Variants in NSMCE2 observed in about 807,000 individuals in gnomAD.
The protein encoded by NSMCE2 is NSE2 SUMO ligase component of SMC5/6 complex.
NSMCE2 carries 24 observed loss-of-function variants against 23.8 expected under a neutral mutation model. The observed-to-expected ratio is 1.01, with a 90% CI of 0.73 to 1.42. The LOEUF (loss-of-function observed/expected upper bound fraction) is 1.42, where lower values mean the gene tolerates loss of function less well. NSMCE2 is among the 40% of genes most tolerant of loss of function. NSMCE2 has a pLI of 0.00. For missense variants in NSMCE2, 284 were observed against 296.5 expected, an observed-to-expected ratio of 0.96 and a Z score of 0.31; for synonymous variants, 92 against 94.1, an observed-to-expected ratio of 0.98 and a Z score of 0.13.
intron 5 of NSMCE2, among the ~76,000 whole-genome samples, chr8:125,195,204 A>G (rs1823558397): frequency 6.6e-6 from 1 of 152,120 alleles, no homozygotes; most frequent in Non-Finnish European, 1.5e-5. Flanking sequence ...TCAACTGTGA[A>G]CATTAAAAAA....
chr8:125,326,169 A>G (rs1829656928), intron 5 of NSMCE2, among the ~76,000 whole-genome samples: 1 of 151,898 alleles, frequency 6.6e-6, no homozygotes, highest in Non-Finnish European at 1.5e-5. Context: ...AAGCAGGAGA[A>G]TGGCGTGAAC....
chr8:125,347,619 A>G (rs1812833530), intron 5 of NSMCE2, among the ~76,000 whole-genome samples: 1 of 152,240 alleles, frequency 6.6e-6, no homozygotes, highest in South Asian at 2.1e-4. Context: ...CTTGTCCTCA[A>G]AGAGCTTTCA....
At chr8:125,112,248 G>A (rs191860901) in intron 3 of NSMCE2, among the ~76,000 whole-genome samples, 6 of 152,250 alleles carry the variant, frequency 3.9e-5, no homozygotes, top group Admixed American at 3.3e-4. Flanking sequence ...AAAAGGCAAT[G>A]CCTACACCAG....
At chr8:125,256,786 G>A (rs1394875203) in intron 5 of NSMCE2, among the ~76,000 whole-genome samples, 8 of 151,700 alleles carry the variant, frequency 5.3e-5, no homozygotes, top group Admixed American at 1.3e-4. Flanking sequence ...TCAGCTGGGC[G>A]TGGTGGCACA....
At chr8:125,238,001 T>G (rs1825626133) in intron 5 of NSMCE2, among the ~76,000 whole-genome samples, 1 of 152,190 alleles carries the variant, frequency 6.6e-6, no homozygotes. Flanking sequence ...TCCACACCTG[T>G]ATGGATGAAG....
rs118169109 is a variant in NSMCE2 at position 125,207,072 on chromosome 8, C to A, written c.418+24816C>A. Among the ~76,000 whole-genome samples the A allele has an allele frequency of 1.3e-3, 192 of 152,202 alleles. 3 individuals are homozygous for A. In the East Asian group the frequency reaches 0.031, roughly 25 times the overall value. On this transcript the variant is annotated intron_variant, in intron 5 of 7. Transcript: ENST00000287437. ...TTTCTGAGTCCTAAATAAAATTATT[C>A]ATACTTTTCATATTCAAAAATTCAA...
At chr8:125,213,545 C>T (rs1198908533) in intron 5 of NSMCE2, among the ~76,000 whole-genome samples, 1 of 120,508 alleles carries the variant, frequency 8.3e-6, no homozygotes, top group Non-Finnish European at 1.8e-5. Context: ...CTCTCCCCTC[C>T]ACTCCCCTCC....
At chr8:125,265,741 G>T (rs954286084) in intron 5 of NSMCE2, among the ~76,000 whole-genome samples, 1 of 152,128 alleles carries the variant, frequency 6.6e-6, no homozygotes, top group Non-Finnish European at 1.5e-5. Flanking sequence ...CAAATCATAT[G>T]CTCTTCTCAT....
chr8:125,131,140 C>T (rs759880585), intron 3 of NSMCE2, among the ~76,000 whole-genome samples: 2 of 152,112 alleles, frequency 1.3e-5, no homozygotes, highest in African/African-American at 2.4e-5. Context: ...TACAGGATCC[C>T]CTCATTCCTG....
intron 3 of NSMCE2, among the ~76,000 whole-genome samples, chr8:125,143,827 A>G (rs1305039291): frequency 6.6e-6 from 1 of 152,188 alleles, no homozygotes; most frequent in African/African-American, 2.4e-5. Context: ...ACACACACAT[A>G]CACACACAGA....
rs530611156 is a variant in NSMCE2, at chr8:125,309,017, G to T, written c.419-48202G>T. On this transcript the variant is annotated intron_variant, in intron 5 of 7. Coordinates refer to ENST00000287437, the MANE Select transcript of NSMCE2 (RefSeq NM_173685.4). ...CCCAGCACTTTGGGAGGCCGAGGCGGGTGGATCACCTGAGGTCAAGAGTTC... is the reference window on the plus strand; with the variant it reads ...CCCAGCACTTTGGGAGGCCGAGGCGTGTGGATCACCTGAGGTCAAGAGTTC... Among the ~76,000 whole-genome samples the T allele has an allele frequency of 2.0e-5, 3 of 152,264 alleles. No homozygotes were observed. In the East Asian group the frequency reaches 5.8e-4, roughly 29 times the overall value.
At chr8:125,115,156 A>G (rs1818940056) in intron 3 of NSMCE2, among the ~76,000 whole-genome samples, 1 of 152,148 alleles carries the variant, frequency 6.6e-6, no homozygotes, top group African/African-American at 2.4e-5. Context: ...TAACTAAGAA[A>G]TTTGGGTGTT....
chr8:125,251,932 T>C, intron 5 of NSMCE2, among the ~76,000 whole-genome samples: 1 of 152,192 alleles, frequency 6.6e-6, no homozygotes, highest in East Asian at 1.9e-4. Flanking sequence ...GGAAGCAGGC[T>C]TAGGGTTAGA....
At chr8:125,184,088 A>T (rs1294629552) in intron 5 of NSMCE2, among the ~76,000 whole-genome samples, 1 of 152,118 alleles carries the variant, frequency 6.6e-6, no homozygotes, top group Non-Finnish European at 1.5e-5. Context: ...ATTTTATTTG[A>T]CTATTTGGAG....
chr8:125,127,050 C>T (rs953890433), intron 3 of NSMCE2: 2 of 152,182 alleles, frequency 1.3e-5, no homozygotes. Context: ...AATGCAAGTT[C>T]TGCTATCTGC....
intron 5 of NSMCE2, among the ~76,000 whole-genome samples, chr8:125,338,641 T>G (rs1830138786): frequency 6.6e-6 from 1 of 152,196 alleles, no homozygotes; most frequent in Non-Finnish European, 1.5e-5. Context: ...GCTAACATCA[T>G]GCAAGATGAA....
chr8:125,289,905 C>T (rs2131158173), intron 5 of NSMCE2, among the ~76,000 whole-genome samples: 1 of 152,292 alleles, frequency 6.6e-6, no homozygotes, highest in Non-Finnish European at 1.5e-5. Flanking sequence ...TACAAACACA[C>T]CATTGATGTT....
intron 5 of NSMCE2, among the ~76,000 whole-genome samples, chr8:125,191,783 A>G (rs1360896331): frequency 2.0e-5 from 3 of 152,226 alleles, no homozygotes; most frequent in Non-Finnish European, 4.4e-5. Context: ...AATCTCTTGC[A>G]CATACATCAT....
chr8:125,339,427 G>A (rs1220388090), intron 5 of NSMCE2, among the ~76,000 whole-genome samples: 1 of 152,156 alleles, frequency 6.6e-6, no homozygotes, highest in Admixed American at 6.5e-5. Flanking sequence ...GCACACAGTG[G>A]TGAGCGGGTG....
Sources: gnomAD v4.1 joint callset for allele counts (sites outside exome capture counted in the v4.1 genomes callset) on GRCh38, gnomAD v4.1.1 for gene constraint, MANE v1.5 for transcripts, NCBI Gene and HGNC (gene_info 2026-07-23, HGNC 2026-07-21) for gene names.